Variants in SEMA3A observed in about 807,000 individuals in gnomAD.
The protein encoded by SEMA3A is semaphorin-3A.
A neutral mutation model predicts 97.9 loss-of-function variants in SEMA3A; 29 were observed. The ratio of observed to expected loss-of-function variants is 0.30; its 90% CI spans 0.22 to 0.40. The LOEUF (loss-of-function observed/expected upper bound fraction) is 0.40, where lower values mean the gene tolerates loss of function less well. Among genes scored for constraint, SEMA3A ranks in the 10% least tolerant of loss-of-function variants. The probability of loss-of-function intolerance (pLI) is 1.00; values close to 1 mark genes in which losing one functional copy is unlikely to be tolerated. For missense variants in SEMA3A, 763 were observed against 951.3 expected, an observed-to-expected ratio of 0.80 and a Z score of 2.60; for synonymous variants, 321 against 323.7, an observed-to-expected ratio of 0.99 and a Z score of 0.09.
rs544177147 is a variant in SEMA3A at position 84,047,916 on chromosome 7, G to A, written c.548-1473C>T. Among the ~76,000 whole-genome samples, 14 of 151,676 alleles carry A rather than the reference G, an allele frequency of 9.2e-5. 1 individual carries two copies. In the South Asian group the frequency reaches 2.7e-3, roughly 29 times the overall value. ...ATTCCTTTGGTAGAACCTTTGTCTCGCTTATATGTCTGAATAGACTTGACT... is the reference window on the plus strand; with the variant it reads ...ATTCCTTTGGTAGAACCTTTGTCTCACTTATATGTCTGAATAGACTTGACT... On this transcript the variant is annotated intron_variant, in intron 5 of 16. Coordinates refer to ENST00000265362, the MANE Select transcript of SEMA3A (RefSeq NM_006080.3).
chr7:84,331,056 A>C (rs1046063151), intron 2 of SEMA3A, among the ~76,000 whole-genome samples: 2 of 152,238 alleles, frequency 1.3e-5, no homozygotes, highest in African/African-American at 4.8e-5. Flanking sequence ...CCTATGTAGA[A>C]ATGTACTGAA....
rs151284312 is a variant in SEMA3A, at chr7:84,239,116, T to C, written c.-82-44448A>G. On this transcript the variant is annotated intron_variant, in intron 3 of 3. Coordinates refer to the SEMA3A transcript ENST00000424555. ...TAATGCTAATATTAAAATAAGTTTT[T>C]AAAAATAAAAATAATACATTAACAT... Among the ~76,000 whole-genome samples, 1,099 of 152,284 alleles carry C rather than the reference T, an allele frequency of 7.2e-3. 8 individuals carry two copies. The highest frequency in any genetic ancestry group is 0.031 in the East Asian group (160 of 5,192).
chr7:84,413,669 TTAG>T (rs1562938817), intron 1 of SEMA3A, among the ~76,000 whole-genome samples: 1 of 151,672 alleles, frequency 6.6e-6, no homozygotes, highest in Non-Finnish European at 1.5e-5. Flanking sequence ...AACACAAAAC[TTAG>T]TAGTAGTAGT....
At chr7:84,381,113 C>T (rs994567074) in intron 1 of SEMA3A, among the ~76,000 whole-genome samples, 2 of 152,114 alleles carry the variant, frequency 1.3e-5, no homozygotes, top group Non-Finnish European at 2.9e-5. Context: ...TCCTTTCTTT[C>T]GTTCTTGGAG....
At chr7:84,124,742 T>C (rs999900447) in intron 3 of SEMA3A, among the ~76,000 whole-genome samples, 6 of 152,142 alleles carry the variant, frequency 3.9e-5, no homozygotes, top group Non-Finnish European at 7.4e-5. Flanking sequence ...CCAATAGCTA[T>C]TTCTAAAATC....
chr7:84,395,640 C>A (rs933493460), intron 1 of SEMA3A, among the ~76,000 whole-genome samples: 3 of 151,868 alleles, frequency 2.0e-5, no homozygotes, highest in African/African-American at 4.8e-5. Context: ...ATGCTCTTCT[C>A]AAGATAGTGT....
intron 2 of SEMA3A, among the ~76,000 whole-genome samples, chr7:84,330,982 T>C (rs556327860): frequency 3.5e-4 from 53 of 152,238 alleles, no homozygotes; most frequent in African/African-American, 1.3e-3. Context: ...AAGGAAAGAA[T>C]CATACACTGT....
chr7:84,372,046 T>C lies in SEMA3A; in HGVS notation c.-245-146A>G, dbSNP rs368524063. 10 of 152,192 alleles carry C rather than the reference T, an allele frequency of 6.6e-5. 2 individuals are homozygous for C. The highest frequency in any genetic ancestry group is 6.6e-5 in the Admixed American group (1 of 15,256). 9.4% of individuals were successfully genotyped at this position (152,192 alleles called of 1,614,324 possible). ...TTCCATGACACCTTGGAAACATTACTGATCCTGTCTCTCAGGCATCGTTAA... is the reference window on the plus strand; with the variant it reads ...TTCCATGACACCTTGGAAACATTACCGATCCTGTCTCTCAGGCATCGTTAA... On this transcript the variant is annotated intron_variant, in intron 1 of 3. Transcript: ENST00000424555.
intron 6 of SEMA3A, among the ~76,000 whole-genome samples, chr7:84,016,072 A>T (rs1294332368): frequency 6.6e-6 from 1 of 151,970 alleles, no homozygotes; most frequent in Non-Finnish European, 1.5e-5. Flanking sequence ...TATATATATT[A>T]TATATGTAAA....
chr7:84,213,088 C>A (rs1798669161), intron 3 of SEMA3A, among the ~76,000 whole-genome samples: 1 of 152,150 alleles, frequency 6.6e-6, no homozygotes, highest in South Asian at 2.1e-4. Context: ...AGCGATTCTC[C>A]TGCCTCAGCC....
chr7:84,272,568 A>G (rs2115708415), intron 3 of SEMA3A, among the ~76,000 whole-genome samples: 1 of 152,210 alleles, frequency 6.6e-6, no homozygotes, highest in East Asian at 1.9e-4. Flanking sequence ...TGGTAATAGC[A>G]TCTAGGACCT....
chr7:84,120,193 T>C (rs1310217390), intron 3 of SEMA3A, among the ~76,000 whole-genome samples: 2 of 152,126 alleles, frequency 1.3e-5, no homozygotes, highest in Non-Finnish European at 2.9e-5. Flanking sequence ...ACTTGGTTCA[T>C]GGCAATTCAA....
At chr7:84,194,423 G>T (rs191868182) in intron 1 of SEMA3A, 52 bp downstream of exon 1, 14 of 1,088,938 alleles carry the variant, frequency 1.3e-5, no homozygotes, top group Middle Eastern at 4.0e-4. Flanking sequence ...AGGAATTAAG[G>T]GGGGGGGCGG....
intron 2 of SEMA3A, among the ~76,000 whole-genome samples, chr7:84,358,656 T>A (rs925484277): frequency 6.6e-6 from 1 of 152,276 alleles, no homozygotes; most frequent in African/African-American, 2.4e-5. Context: ...TAAAGTAGTT[T>A]TTTCCAATTC....
chr7:84,368,326 G>C (rs561068546), intron 2 of SEMA3A, among the ~76,000 whole-genome samples: 1 of 151,032 alleles, frequency 6.6e-6, no homozygotes, highest in Admixed American at 6.6e-5. Context: ...AAAGTGACCC[G>C]CATGTCACAA....
Position 83,961,837 on chromosome 7 carries a change from A to T in SEMA3A, c.1861-11T>A, listed in dbSNP as rs1046355279. 3.8e-6 allele frequency: 6 copies of T among 1,565,970 alleles called. No individual in the cohort carries two copies. The highest frequency in any genetic ancestry group is 5.2e-6 in the Non-Finnish European group (6 of 1,146,260). ...ATCATCCACTCTGATCTAGCAGGTT[A>T]AAAAAAAGGCAGTGTAAAATATACA... On this transcript the variant is annotated splice_polypyrimidine_tract_variant and intron_variant, in intron 16 of 16. Transcript: ENST00000265362.
chr7:84,406,497 T>C (rs1217826542), intron 1 of SEMA3A, among the ~76,000 whole-genome samples: 3 of 152,134 alleles, frequency 2.0e-5, no homozygotes, highest in Non-Finnish European at 2.9e-5. Context: ...GCATTCCTTC[T>C]GAAACTATTC....
At chr7:84,324,036 T>TA (rs1801718025) in intron 2 of SEMA3A, among the ~76,000 whole-genome samples, 1 of 152,196 alleles carries the variant, frequency 6.6e-6, no homozygotes, top group Non-Finnish European at 1.5e-5. Flanking sequence ...TCCTAGCTGT[T>TA]AAAATAAATG....
At chr7:84,445,005 AG>A in intron 1 of SEMA3A, among the ~76,000 whole-genome samples, 1 of 152,302 alleles carries the variant, frequency 6.6e-6, no homozygotes, top group African/African-American at 2.4e-5. Flanking sequence ...GCTCTGATAG[AG>A]GCTCTTTTAA....
Sources: gnomAD v4.1 joint callset for allele counts (sites outside exome capture counted in the v4.1 genomes callset) on GRCh38, gnomAD v4.1.1 for gene constraint, MANE v1.5 for transcripts, NCBI Gene and HGNC (gene_info 2026-07-23, HGNC 2026-07-21) for gene names.